Variants in BNIP3L observed in about 807,000 individuals in gnomAD.
BNIP3L encodes the protein BCL2/adenovirus E1B 19 kDa protein-interacting protein 3-like.
BNIP3L carries 10 observed loss-of-function variants against 25.5 expected under a neutral mutation model. The ratio of observed to expected loss-of-function variants is 0.39; its 90% CI spans 0.24 to 0.67. BNIP3L has a LOEUF of 0.67. Among genes scored for constraint, BNIP3L ranks in the 30% least tolerant of loss-of-function variants. The probability of loss-of-function intolerance (pLI) is 0.45; values close to 1 mark genes in which losing one functional copy is unlikely to be tolerated. For missense variants in BNIP3L, 215 were observed against 270.9 expected (o/e 0.79, Z 1.45); for synonymous variants, 113 against 101.2 (o/e 1.12, Z -0.70).
chr8:26,409,216 C>T (rs549493229), intron 5 of BNIP3L, among the ~76,000 whole-genome samples: 4 of 151,980 alleles, frequency 2.6e-5, no homozygotes, highest in African/African-American at 9.7e-5. Flanking sequence ...TTAGCCACAT[C>T]TTTTAAATAA....
At chr8:26,395,345 G>T (rs750759292) in intron 3 of BNIP3L, 43 bp downstream of exon 3, 32 of 1,573,358 alleles carry the variant, frequency 2.0e-5, no homozygotes, top group Non-Finnish European at 2.6e-5. Context: ...AATTAAGAAA[G>T]ATGTAAATTC....
chr8:26,402,700 G>A (rs369547342), intron 3 of BNIP3L, among the ~76,000 whole-genome samples: 18 of 152,238 alleles, frequency 1.2e-4, no homozygotes, highest in African/African-American at 4.3e-4. Flanking sequence ...GGAGGTGGGA[G>A]GATCCCTTGA....
intron 1 of BNIP3L, among the ~76,000 whole-genome samples, chr8:26,390,121 C>T (rs1285418082): frequency 6.6e-6 from 1 of 152,048 alleles, no homozygotes; most frequent in Non-Finnish European, 1.5e-5. Flanking sequence ...TACTTACTTA[C>T]TTACTATTCT....
intron 5 of BNIP3L, among the ~76,000 whole-genome samples, chr8:26,409,068 T>G (rs1335732627): frequency 1.3e-5 from 2 of 152,026 alleles, no homozygotes; most frequent in African/African-American, 4.8e-5. Context: ...TATGGGAAAA[T>G]ACATGATTAC....
At position 26,410,567 on chromosome 8, in the gene BNIP3L, T is replaced by G; in HGVS notation, c.*155T>G. ...GTAACTCTCAAATTCAATATTTTAT[T>G]CAAACTCTGTTGAGGCATTTTACTA... is the stretch of plus-strand genomic sequence containing the variant. On this transcript the variant is annotated 3_prime_UTR_variant, in exon 6 of 6. Coordinates refer to ENST00000380629, the MANE Select transcript of BNIP3L (RefSeq NM_004331.3). 1.1e-6 allele frequency: 1 copy of G among 879,020 alleles called. No homozygotes were observed. Among genetic ancestry groups the G allele is most frequent in the South Asian group, 1.5e-5 (1 of 65,984 alleles). The allele number at this position is 879,020 out of a possible 1,614,324, so 54.5% of individuals were successfully genotyped here. A position where few individuals can be genotyped will look rare whatever the true frequency, so the allele number is the denominator to read the frequency against.
At chr8:26,384,326 A>G (rs997013882) in intron 1 of BNIP3L, among the ~76,000 whole-genome samples, 62 of 152,190 alleles carry the variant, frequency 4.1e-4, no homozygotes, top group South Asian at 1.2e-3. Flanking sequence ...ATTTTAGGGA[A>G]GAGAGTTTCA....
intron 1 of BNIP3L, among the ~76,000 whole-genome samples, chr8:26,388,916 G>A (rs1806047953): frequency 6.6e-6 from 1 of 152,194 alleles, no homozygotes; most frequent in Non-Finnish European, 1.5e-5. Context: ...CTTGGGCCCA[G>A]GAATCAAGGC....
chr8:26,387,965 A>G (rs1476321489), intron 1 of BNIP3L, among the ~76,000 whole-genome samples: 1 of 152,248 alleles, frequency 6.6e-6, no homozygotes, highest in Non-Finnish European at 1.5e-5. Flanking sequence ...GAATGTCAGT[A>G]TATATTGATA....
At position 26,387,412 on chromosome 8, in the gene BNIP3L, C is replaced by G. The variant is rs146145143; in HGVS notation, c.101-3831C>G. On this transcript the variant is annotated intron_variant, in intron 1 of 5. Transcript: ENST00000380629. ...AAGCTTCCAGCTTTTAGTTTTCAAG[C>G]TTGATCATTAGGAGGAGAATTCACT... Among the ~76,000 whole-genome samples the G allele has an allele frequency of 5.3e-5, 8 of 152,308 alleles. No individual in the cohort carries two copies. In the East Asian group the frequency reaches 1.5e-3, roughly 29 times the overall value.
intron 3 of BNIP3L, among the ~76,000 whole-genome samples, chr8:26,404,222 A>G (rs1286790699): frequency 6.6e-6 from 1 of 152,214 alleles, no homozygotes; most frequent in Admixed American, 6.5e-5. Flanking sequence ...ATCTTAGCCA[A>G]AAGTCCGAGA....
rs906950705 is a variant in BNIP3L at position 26,401,642 on chromosome 8, A to G, written c.357+6340A>G. Among the ~76,000 whole-genome samples the G allele has an allele frequency of 5.3e-5, 8 of 150,562 alleles. No individual in the cohort carries two copies. The South Asian group carries it at 1.5e-3, about 28-fold the overall frequency. On this transcript the variant is annotated intron_variant, in intron 3 of 5. Transcript: ENST00000380629. ...AAAAAAGACCACAGAATAAATGAAG[A>G]TGAAGGTTGTATTAGAACTAGACAT...
chr8:26,403,381 T>TA (rs1229822039), intron 3 of BNIP3L, among the ~76,000 whole-genome samples: 1 of 152,184 alleles, frequency 6.6e-6, no homozygotes, highest in Admixed American at 6.5e-5. Flanking sequence ...TTAGGAAACT[T>TA]AAAAAAGCAG....
chr8:26,395,236 G>A lies in BNIP3L; in HGVS notation c.291G>A (p.Ser97=), dbSNP rs373730069. 71 of 1,613,762 alleles carry A rather than the reference G, an allele frequency of 4.4e-5. No homozygotes were observed. The highest frequency in any genetic ancestry group is 3.3e-4 in the Middle Eastern group (2 of 6,082). Residue 97 remains serine, a synonymous_variant, in exon 3 of 6, where the codon TCG becomes TCA. Coordinates refer to ENST00000380629, the MANE Select transcript of BNIP3L (RefSeq NM_004331.3). ...SRGSSHCDSP[S]PQEDGQIMFD... The stretch of plus-strand genomic sequence containing the variant: ...TGAATTCCTTCTCTTCTAGCCCTTC[G>A]CCACAAGAAGATGGGCAGATCATGT...
intron 5 of BNIP3L, among the ~76,000 whole-genome samples, chr8:26,409,618 A>G (rs888515023): frequency 5.9e-5 from 9 of 152,180 alleles, no homozygotes; most frequent in Non-Finnish European, 1.2e-4. Context: ...GGAGTTTAAT[A>G]CATTGCTGCC....
At chr8:26,383,434 C>G in intron 1 of BNIP3L, 1 of 1,386,326 alleles carries the variant, frequency 7.2e-7, no homozygotes, top group Non-Finnish European at 9.3e-7. Flanking sequence ...CTCCTGGGGT[C>G]TTGGGCCCGG....
At chr8:26,403,541 T>G (rs1806436947) in intron 3 of BNIP3L, among the ~76,000 whole-genome samples, 1 of 151,616 alleles carries the variant, frequency 6.6e-6, no homozygotes, top group African/African-American at 2.4e-5. Flanking sequence ...CTTTTTTTTT[T>G]TTTTTGGAGA....
rs1303992736 is a variant in BNIP3L at position 26,412,406 on chromosome 8, G to A, written c.*1994G>A. On this transcript the variant is annotated 3_prime_UTR_variant, in exon 6 of 6. Coordinates refer to ENST00000380629, the MANE Select transcript of BNIP3L (RefSeq NM_004331.3). ...AAGTAAAATTACACTTTACCTGAAA[G>A]TGACTTCTTACAGCTAGTGCATTGT... The A allele has an allele frequency of 3.9e-5, 6 of 152,188 alleles. No homozygotes were observed. Among genetic ancestry groups the A allele is most frequent in the African/African-American group, 1.4e-4 (6 of 41,450 alleles). 9.4% of individuals were successfully genotyped at this position (152,188 alleles called of 1,614,324 possible).
In BNIP3L at chr8:26,391,268, C is replaced by T. The variant is rs764937276; in HGVS notation, c.126C>T (p.Asn42=). 1.9e-6 allele frequency: 3 copies of T among 1,609,918 alleles called. No homozygotes were observed. Among genetic ancestry groups the T allele is most frequent in the Admixed American group, 1.7e-5 (1 of 59,426 alleles). Residue 42 remains asparagine (N), a synonymous_variant, in exon 2 of 6, where the codon AAC becomes AAT. Coordinates refer to ENST00000380629, the MANE Select transcript of BNIP3L (RefSeq NM_004331.3). ...LNSSWVELPM[N]SSNGNDNGNG... ...GTTCCTGGGTGGAGCTACCCATGAA[C>T]AGCAGCAATGGCAATGATAATGGCA...
intron 2 of BNIP3L, 48 bp from the exon 3 acceptor site, chr8:26,395,182 T>G (rs1288604260): frequency 1.3e-6 from 2 of 1,584,568 alleles, no homozygotes; most frequent in Non-Finnish European, 1.7e-6. Context: ...ACTAAGTCAT[T>G]TGACAAAGTG....
Sources: gnomAD v4.1 joint callset for allele counts (sites outside exome capture counted in the v4.1 genomes callset) on GRCh38, gnomAD v4.1.1 for gene constraint, MANE v1.5 for transcripts, NCBI Gene and HGNC (gene_info 2026-07-23, HGNC 2026-07-21) for gene names.